Variants in JAKMIP1 observed in about 807,000 individuals in gnomAD.
JAKMIP1 encodes janus kinase and microtubule interacting protein 1.
Under a neutral mutation model 113.0 loss-of-function variants are expected in JAKMIP1, and 33 were observed. That is an observed-to-expected ratio of 0.29 (90% CI 0.22 to 0.39). The LOEUF (loss-of-function observed/expected upper bound fraction) is 0.39. JAKMIP1 is among the 10% of genes least tolerant of loss of function. JAKMIP1 has a pLI of 1.00. For missense variants in JAKMIP1, 813 were observed against 1,080.5 expected (o/e 0.75, Z 3.47); for synonymous variants, 480 against 459.9 (o/e 1.04, Z -0.56).
chr4:6,043,840 A>C lies in JAKMIP1; in HGVS notation c.2029-1613T>G, dbSNP rs59473332. Among the ~76,000 whole-genome samples, 370 of 151,896 alleles carry C rather than the reference A, an allele frequency of 2.4e-3. 1 individual carries two copies. Among genetic ancestry groups the C allele is most frequent in the African/African-American group, 8.4e-3 (349 of 41,412 alleles). The stretch of plus-strand genomic sequence containing the variant: ...GCTCAGAGACCTCCAAAGACATCCC[A>C]GCACCCCCGACAACACTGGCAAGGC... On this transcript the variant is annotated intron_variant, in intron 16 of 20. Coordinates refer to ENST00000409021, the MANE Select transcript of JAKMIP1 (RefSeq NM_001099433.2).
intron 19 of JAKMIP1, among the ~76,000 whole-genome samples, chr4:6,032,983 G>A (rs1171106967): frequency 6.6e-6 from 1 of 152,238 alleles, no homozygotes; most frequent in Non-Finnish European, 1.5e-5. Flanking sequence ...CTGTGGCTAG[G>A]AAGCGAAACC....
chr4:6,125,500 G>A (rs889464959), intron 1 of JAKMIP1, among the ~76,000 whole-genome samples: 9 of 151,964 alleles, frequency 5.9e-5, no homozygotes, highest in East Asian at 1.9e-4. Flanking sequence ...CTGAGAGTCC[G>A]TTATGTGTCC....
Position 6,199,480 on chromosome 4 carries a change from C to T in JAKMIP1, c.-148+773G>A, listed in dbSNP as rs1269858354. Among the ~76,000 whole-genome samples, 6 of 152,162 alleles carry T rather than the reference C, an allele frequency of 3.9e-5. No homozygotes were observed. Among genetic ancestry groups the T allele is most frequent in the Non-Finnish European group, 8.8e-5 (6 of 68,008 alleles). On this transcript the variant is annotated intron_variant, in intron 1 of 20. Coordinates refer to ENST00000409021, the MANE Select transcript of JAKMIP1 (RefSeq NM_001099433.2). The surrounding 1 kb of genome is among the most constrained non-coding windows in gnomAD (Gnocchi z 5.6). ...CGCAGGCCAGCGAGGCCGCTGGCCC[C>T]GACGCAGGGCGCCCGGCAAGGTGTC...
intron 1 of JAKMIP1, among the ~76,000 whole-genome samples, chr4:6,164,027 C>T (rs189588055): frequency 2.2e-3 from 335 of 152,334 alleles, no homozygotes; most frequent in Admixed American, 5.1e-3. Flanking sequence ...GGAGAAGCTG[C>T]GGCAAGTTAC....
intron 3 of JAKMIP1, among the ~76,000 whole-genome samples, chr4:6,098,731 AAAGAGAAGGAAG>A (rs1712468634): frequency 2.8e-5 from 1 of 35,866 alleles, no homozygotes; most frequent in Non-Finnish European, 6.6e-5. Context: ...AAAAAGAAAG[AAAGAGAAGGAAG>A]GAAGGAAGGA....
intron 1 of JAKMIP1, among the ~76,000 whole-genome samples, chr4:6,149,993 A>G (rs1721371949): frequency 6.6e-6 from 1 of 152,066 alleles, no homozygotes; most frequent in Admixed American, 6.5e-5. Context: ...GTCACCCGCC[A>G]ATTCCAAATC....
intron 3 of JAKMIP1, among the ~76,000 whole-genome samples, chr4:6,100,737 T>C (rs1712870456): frequency 6.6e-6 from 1 of 152,184 alleles, no homozygotes; most frequent in Non-Finnish European, 1.5e-5. Flanking sequence ...CAACATTTAC[T>C]ATTGTCTGTT....
At position 6,051,069 on chromosome 4, in the gene JAKMIP1, C is replaced by T. The variant is rs562724593; in HGVS notation, c.1807-390G>A. 3.5e-4 allele frequency among the ~76,000 whole-genome samples: 54 copies of T among 152,216 alleles called. No individual in the cohort carries two copies. The highest frequency in any genetic ancestry group is 1.2e-3 in the Admixed American group (18 of 15,284). On this transcript the variant is annotated intron_variant, in intron 13 of 20. Transcript: ENST00000409021. The surrounding 1 kb of genome is among the most constrained non-coding windows in gnomAD (Gnocchi z 5.0). ...CTCTGTGCCAGGCACACCACTCTCC[C>T]GTCTAATCCTCACACTACCCCAGGA...
chr4:6,049,890 C>A lies in JAKMIP1; in HGVS notation c.1909-18G>T. On this transcript the variant is annotated intron_variant, in intron 14 of 20. Coordinates refer to ENST00000409021, the MANE Select transcript of JAKMIP1 (RefSeq NM_001099433.2). This position sits in a 1 kb window ranked among gnomAD's most constrained non-coding sequence, Gnocchi z 7.0. ...TTCACATCCTGGAAGAGATTTCCAA[C>A]GTTCATTTTTGTGTGAGCTACAGAG... 6.2e-7 allele frequency: 1 copy of A among 1,602,238 alleles called. No homozygotes were observed. The highest frequency in any genetic ancestry group is 8.5e-7 in the Non-Finnish European group (1 of 1,169,904).
chr4:6,054,164 C>G lies in JAKMIP1; in HGVS notation c.1708-16G>C. On this transcript the variant is annotated splice_polypyrimidine_tract_variant and intron_variant, in intron 12 of 20. Transcript: ENST00000409021. ...GTCTGTAAATCTAGAGCAAAGATAC[C>G]TGCGGATTAACAGGATGGGTGGGAG... is the stretch of plus-strand genomic sequence containing the variant. 1 of 1,613,876 alleles carries G rather than the reference C, an allele frequency of 6.2e-7. No individual in the cohort carries two copies. The highest frequency in any genetic ancestry group is 8.5e-7 in the Non-Finnish European group (1 of 1,179,846).
chr4:6,152,540 CG>C (rs904240489), intron 1 of JAKMIP1, among the ~76,000 whole-genome samples: 3 of 152,088 alleles, frequency 2.0e-5, no homozygotes, highest in African/African-American at 7.2e-5. Context: ...ATCCTGATGC[CG>C]GGGAATATTT....
At position 6,135,985 on chromosome 4, in the gene JAKMIP1, C is replaced by A. The variant is rs138692744; in HGVS notation, c.-147-22988G>T. 5.8e-3 allele frequency among the ~76,000 whole-genome samples: 880 copies of A among 152,280 alleles called. 5 individuals carry two copies. Among genetic ancestry groups the A allele is most frequent in the Non-Finnish European group, 9.7e-3 (662 of 68,034 alleles). ...CCGAGGCTGGGCACAGTGGCTCACACCTGTAATCCCAGCACTTTGAGAGGC... is the reference window on the plus strand; with the variant it reads ...CCGAGGCTGGGCACAGTGGCTCACAACTGTAATCCCAGCACTTTGAGAGGC... On this transcript the variant is annotated intron_variant, in intron 1 of 20. Transcript: ENST00000409021. The surrounding 1 kb of genome is among the most constrained non-coding windows in gnomAD (Gnocchi z 4.9).
intron 16 of JAKMIP1, among the ~76,000 whole-genome samples, chr4:6,045,737 C>T (rs1313252052): frequency 4.6e-5 from 7 of 152,088 alleles, no homozygotes; most frequent in Non-Finnish European, 8.8e-5. Context: ...CCGGACGTGG[C>T]GGCATATGCC....
chr4:6,144,835 T>C (rs1407352047), intron 1 of JAKMIP1, among the ~76,000 whole-genome samples: 1 of 152,214 alleles, frequency 6.6e-6, no homozygotes, highest in Non-Finnish European at 1.5e-5. Context: ...AAGATGTCTG[T>C]TCTTGTCAAT....
At chr4:6,100,205 G>A (rs564985524) in intron 3 of JAKMIP1, among the ~76,000 whole-genome samples, 11 of 151,998 alleles carry the variant, frequency 7.2e-5, no homozygotes, top group African/African-American at 2.2e-4. Flanking sequence ...AACCTTCCTC[G>A]CCCAGTAAGG....
At chr4:6,172,921 G>A (rs1307206988) in intron 1 of JAKMIP1, among the ~76,000 whole-genome samples, 1 of 152,198 alleles carries the variant, frequency 6.6e-6, no homozygotes, top group Non-Finnish European at 1.5e-5. Context: ...AGTCAAAGGA[G>A]GAATCTCGTA....
chr4:6,026,428 C>T, intron 20 of JAKMIP1, 150 bp from the exon 21 acceptor site: 1 of 618,256 alleles, frequency 1.6e-6, no homozygotes, highest in South Asian at 2.1e-5. Flanking sequence ...GGGAAGTAAA[C>T]AGGCTTTAGG....
rs1442309441 is a variant in JAKMIP1, at chr4:6,192,010, A to G, written c.-148+8243T>C. On this transcript the variant is annotated intron_variant, in intron 1 of 20. Transcript: ENST00000409021. This position sits in a 1 kb window ranked among gnomAD's most constrained non-coding sequence, Gnocchi z 5.0. ...TGCAATGGCCCAATCTTGGCTCATT[A>G]CAACCTCCGCCTCCCGGGTTTGAGC... 6.6e-6 allele frequency among the ~76,000 whole-genome samples: 1 copy of G among 151,548 alleles called. No individual in the cohort carries two copies. The highest frequency in any genetic ancestry group is 1.5e-5 in the Non-Finnish European group (1 of 67,954).
intron 1 of JAKMIP1, among the ~76,000 whole-genome samples, chr4:6,125,366 CCCA>C (rs1158914639): frequency 6.6e-6 from 1 of 152,094 alleles, no homozygotes; most frequent in African/African-American, 2.4e-5. Context: ...GCCACACAGT[CCCA>C]CCAAGCTGGG....
Sources: gnomAD v4.1 joint callset for allele counts (sites outside exome capture counted in the v4.1 genomes callset) on GRCh38, gnomAD v4.1.1 for gene constraint, Gnocchi (gnomAD v3.1) non-coding constraint, MANE v1.5 for transcripts, NCBI Gene and HGNC (gene_info 2026-07-23, HGNC 2026-07-21) for gene names.